The following KCNIP4 variants were observed in gnomAD, a reference collection of about 807,000 sequenced individuals.
KCNIP4 encodes potassium voltage-gated channel interacting protein 4, also known as Kv channel-interacting protein 4.
Under a neutral mutation model 34.0 loss-of-function variants are expected in KCNIP4, and 12 were observed. The observed-to-expected ratio is 0.35, with a 90% CI of 0.23 to 0.57. The LOEUF (loss-of-function observed/expected upper bound fraction) is 0.57, where lower values mean the gene tolerates loss of function less well. Ranked by LOEUF, KCNIP4 falls within the 20% of genes least tolerant of loss-of-function variation. The pLI is 0.83. For synonymous variants in KCNIP4, 124 were observed against 102.2 expected (o/e 1.21, Z -1.29); for missense variants, 238 against 311.7 (o/e 0.76, Z 1.78).
rs1481051927 is a variant in KCNIP4, at chr4:21,103,382, T to TTA, written c.62-220675_62-220674dup. ...ATATAATATATAAGATATATATATT[T>TTA]TATATATATATCTCCAATATCTAAA... On this transcript the variant is annotated intron_variant, in intron 1 of 8. Transcript: ENST00000382152. Among the ~76,000 whole-genome samples, 59 of 146,832 alleles carry TTA rather than the reference T, an allele frequency of 4.0e-4. No homozygotes were observed. The East Asian group carries it at 0.011, about 28-fold the overall frequency.
intron 1 of KCNIP4, among the ~76,000 whole-genome samples, chr4:21,513,715 T>C (rs1734526874): frequency 6.6e-6 from 1 of 152,254 alleles, no homozygotes; most frequent in African/African-American, 2.4e-5. Flanking sequence ...CTCATCTTCC[T>C]CTTAATCATT....
At chr4:21,079,427 GA>G (rs1745807784) in intron 1 of KCNIP4, among the ~76,000 whole-genome samples, 1 of 151,958 alleles carries the variant, frequency 6.6e-6, no homozygotes, top group Non-Finnish European at 1.5e-5. Context: ...TTCATTTATT[GA>G]ACTCCTATTT....
At chr4:21,518,307 T>C (rs1734938379) in intron 1 of KCNIP4, among the ~76,000 whole-genome samples, 1 of 152,080 alleles carries the variant, frequency 6.6e-6, no homozygotes, top group Non-Finnish European at 1.5e-5. Context: ...TTGCAGGAAA[T>C]TGCTTTCTTC....
chr4:21,531,367 C>T (rs376375316), intron 1 of KCNIP4, among the ~76,000 whole-genome samples: 5 of 128,712 alleles, frequency 3.9e-5, no homozygotes, highest in South Asian at 2.9e-4. Flanking sequence ...CTCCCTCCCT[C>T]CCTTCCTTCC....
intron 1 of KCNIP4, among the ~76,000 whole-genome samples, chr4:21,343,510 C>A (rs948376735): frequency 2.0e-5 from 3 of 152,108 alleles, no homozygotes; most frequent in African/African-American, 7.2e-5. Flanking sequence ...AAAATAGCTT[C>A]TATCATGTTG....
chr4:21,360,451 T>C (rs1483059796), intron 1 of KCNIP4, among the ~76,000 whole-genome samples: 1 of 152,122 alleles, frequency 6.6e-6, no homozygotes, highest in Non-Finnish European at 1.5e-5. Flanking sequence ...TTTTGGTCTT[T>C]AGTTTCTTGA....
At chr4:21,250,148 C>A (rs1577963013) in intron 1 of KCNIP4, among the ~76,000 whole-genome samples, 1 of 146,068 alleles carries the variant, frequency 6.8e-6, no homozygotes. Context: ...GGAAAAAGTT[C>A]TCTGCAAAAC....
chr4:21,118,583 G>A (rs1450404900), intron 1 of KCNIP4, among the ~76,000 whole-genome samples: 1 of 152,206 alleles, frequency 6.6e-6, no homozygotes, highest in Non-Finnish European at 1.5e-5. Flanking sequence ...CTCCCTTGCT[G>A]TAGCAAGTTC....
intron 1 of KCNIP4, among the ~76,000 whole-genome samples, chr4:21,581,424 C>T (rs185559537): frequency 5.2e-4 from 79 of 151,906 alleles, no homozygotes; most frequent in African/African-American, 1.8e-3. Context: ...CCACAATATT[C>T]GGGGGGAGGT....
intron 1 of KCNIP4, among the ~76,000 whole-genome samples, chr4:21,046,838 G>A (rs546241437): frequency 9.7e-4 from 148 of 152,196 alleles, no homozygotes; most frequent in African/African-American, 3.2e-3. Context: ...TAATCCACCC[G>A]CCTCCTGGCC....
chr4:21,909,354 T>C (rs1424606686), intron 1 of KCNIP4, among the ~76,000 whole-genome samples: 1 of 152,096 alleles, frequency 6.6e-6, no homozygotes, highest in African/African-American at 2.4e-5. Context: ...CCTGGAATTT[T>C]CTTCTCCCAC....
intron 1 of KCNIP4, among the ~76,000 whole-genome samples, chr4:21,944,940 G>A (rs1206283942): frequency 6.6e-6 from 1 of 152,084 alleles, no homozygotes; most frequent in African/African-American, 2.4e-5. Context: ...TTTCAGACTT[G>A]CAAAGGATCC....
chr4:21,204,657 T>A (rs1194047602), intron 1 of KCNIP4, among the ~76,000 whole-genome samples: 1 of 152,218 alleles, frequency 6.6e-6, no homozygotes, highest in African/African-American at 2.4e-5. Context: ...AAATGAAAAC[T>A]GATCTCTTTA....
intron 1 of KCNIP4, among the ~76,000 whole-genome samples, chr4:21,519,803 G>A: frequency 7.3e-6 from 1 of 137,396 alleles, no homozygotes; most frequent in Non-Finnish European, 1.6e-5. Context: ...GTATACACGT[G>A]TGTGTATGTG....
chr4:21,135,189 G>A (rs1751407431), intron 1 of KCNIP4, among the ~76,000 whole-genome samples: 1 of 152,216 alleles, frequency 6.6e-6, no homozygotes, highest in South Asian at 2.1e-4. Context: ...TATCATTGCT[G>A]CTCTCTGCTG....
intron 1 of KCNIP4, among the ~76,000 whole-genome samples, chr4:21,362,017 C>T (rs996201840): frequency 2.6e-5 from 4 of 151,904 alleles, no homozygotes; most frequent in Admixed American, 1.3e-4. Context: ...TAACCACTTG[C>T]AAATTAGATA....
intron 1 of KCNIP4, among the ~76,000 whole-genome samples, chr4:21,243,596 A>G (rs1760001971): frequency 6.6e-6 from 1 of 152,160 alleles, no homozygotes; most frequent in Non-Finnish European, 1.5e-5. Flanking sequence ...CCCATTTATT[A>G]GAGCCTTATA....
intron 1 of KCNIP4, among the ~76,000 whole-genome samples, chr4:21,131,690 G>A (rs767870459): frequency 2.0e-5 from 3 of 152,160 alleles, no homozygotes; most frequent in African/African-American, 4.8e-5. Context: ...TGGATTCTGG[G>A]GTGCTGGTTG....
At chr4:21,247,932 C>T (rs960689824) in intron 1 of KCNIP4, among the ~76,000 whole-genome samples, 1 of 125,806 alleles carries the variant, frequency 7.9e-6, no homozygotes, top group Non-Finnish European at 1.6e-5. Flanking sequence ...TATATATATA[C>T]ACACATATAT....
Sources: allele counts gnomAD v4.1 joint callset (sites outside exome capture counted in the v4.1 genomes callset), GRCh38; gene constraint gnomAD v4.1.1; transcripts MANE v1.5; gene names NCBI Gene and HGNC (gene_info 2026-07-23, HGNC 2026-07-21).